Variants in RAF1 observed in about 807,000 individuals in gnomAD.
The protein encoded by RAF1 is RAF proto-oncogene serine/threonine-protein kinase.
RAF1 carries 27 observed loss-of-function variants against 81.1 expected under a neutral mutation model. The ratio of observed to expected loss-of-function variants is 0.33; its 90% confidence interval spans 0.25 to 0.46. The LOEUF (loss-of-function observed/expected upper bound fraction) is 0.46, where lower values mean the gene tolerates loss of function less well. Ranked by LOEUF, RAF1 falls within the 20% of genes least tolerant of loss-of-function variation. The pLI is 1.00. For synonymous variants in RAF1, 298 were observed against 294.0 expected, an observed-to-expected ratio of 1.01 and a Z score of -0.14; for missense variants, 598 against 826.0, an observed-to-expected ratio of 0.72 and a Z score of 3.38.
chr3:12,604,146 C>T lies in RAF1; in HGVS notation c.824G>A (p.Arg275Lys), dbSNP rs1425009528. 1.2e-6 allele frequency: 2 copies of T among 1,614,156 alleles called. No homozygotes were observed. Among genetic ancestry groups the T allele is most frequent in the Non-Finnish European group, 1.7e-6 (2 of 1,180,028 alleles). ...AAGGTGCCCTATTACCTCAATCATC[C>T]TGCTGTCCACAGGCAGGGTGGTGCT... The change falls in exon 7 of 18, where the codon AGG becomes AAG. Residue 275 changes from arginine to lysine, a missense_variant. By Grantham distance (26) the Arg-to-Lys change is conservative (BLOSUM62 2). Transcript: ENST00000442415.
chr3:12,608,625 G>A, intron 5 of RAF1, 141 bp downstream of exon 5: 1 of 983,774 alleles, frequency 1.0e-6, no homozygotes, highest in Middle Eastern at 3.0e-4. Context: ...AATTATCACT[G>A]TTTCTAAAGT....
chr3:12,606,756 C>A (rs5746206), intron 5 of RAF1, among the ~76,000 whole-genome samples: 32,063 of 152,008 alleles, frequency 0.21, 3,636 homozygotes, highest in African/African-American at 0.29. Context: ...GCACAACATG[C>A]AGGTTTGTTA....
chr3:12,609,357 C>A (rs760390061), intron 3 of RAF1, 22 bp from the exon 4 acceptor site: 9 of 1,510,934 alleles, frequency 6.0e-6, no homozygotes, highest in Non-Finnish European at 6.4e-6. Flanking sequence ...TTAAAAAAAA[C>A]ATGAAATGTT....
intron 11 of RAF1, among the ~76,000 whole-genome samples, chr3:12,596,173 CTA>C: frequency 6.9e-6 from 1 of 145,650 alleles, no homozygotes; most frequent in Non-Finnish European, 1.5e-5. Flanking sequence ...CACACCTGGC[CTA>C]TAGAAAGAAT....
chr3:12,649,136 AG>A (rs1394119371), intron 1 of RAF1, among the ~76,000 whole-genome samples: 1 of 152,156 alleles, frequency 6.6e-6, no homozygotes, highest in Non-Finnish European at 1.5e-5. Flanking sequence ...AAGAAAGAAA[AG>A]AAAAAGAAAA....
intron 13 of RAF1, chr3:12,590,465 T>C (rs372265943): frequency 3.7e-5 from 11 of 300,886 alleles, no homozygotes; most frequent in African/African-American, 2.4e-4. Context: ...GCTGGGATTA[T>C]AGGCATGTGC....
In RAF1 at chr3:12,587,837, C is replaced by CTTTTTTTTTTTTTTTTTTTTTTT. The variant is rs374515740; in HGVS notation, c.1431-201_1431-200insAAAAAAAAAAAAAAAAAAAAAAA. On this transcript the variant is annotated intron_variant, in intron 13 of 17. Coordinates refer to ENST00000442415, the MANE Select transcript of RAF1 (RefSeq NM_001354689.3). ...GGCCACAGCACAAACATGCTTACAC[C>CTTTTTTTTTTTTTTTTTTTTTTT]TTTTTTTTTTTTTTTTTGGAGACTG... The CTTTTTTTTTTTTTTTTTTTTTTT allele has an allele frequency of 5.3e-5, 10 of 188,432 alleles. 3 individuals carry two copies. The highest frequency in any genetic ancestry group is 3.2e-4 in the African/African-American group (10 of 31,118). The allele number at this position is 188,432 out of a possible 1,614,324, so 11.7% of individuals were successfully genotyped here.
intron 1 of RAF1, among the ~76,000 whole-genome samples, chr3:12,635,743 G>A (rs924089958): frequency 3.3e-5 from 5 of 151,926 alleles, no homozygotes; most frequent in Non-Finnish European, 5.9e-5. Context: ...GGAGGCCAAG[G>A]TGGGCGGATC....
intron 11 of RAF1, among the ~76,000 whole-genome samples, chr3:12,598,792 A>C (rs1040882806): frequency 1.3e-5 from 2 of 149,288 alleles, no homozygotes; most frequent in Non-Finnish European, 3.0e-5. Flanking sequence ...TGATATTTTC[A>C]GTACCTTGAA....
chr3:12,647,050 A>G (rs1044612942), intron 1 of RAF1, among the ~76,000 whole-genome samples: 1 of 151,348 alleles, frequency 6.6e-6, no homozygotes, highest in African/African-American at 2.4e-5. Context: ...TAATCCCAGC[A>G]CTTTGGGAGG....
chr3:12,652,861 G>A (rs1330789256), intron 1 of RAF1, among the ~76,000 whole-genome samples: 2 of 151,390 alleles, frequency 1.3e-5, no homozygotes, highest in African/African-American at 4.9e-5. Flanking sequence ...GAACCTGGGA[G>A]ACAGAGGTTG....
chr3:12,634,878 T>C (rs1428968368), intron 1 of RAF1, among the ~76,000 whole-genome samples: 2 of 152,140 alleles, frequency 1.3e-5, no homozygotes, highest in East Asian at 1.9e-4. Context: ...ATTAATAAAA[T>C]AGTATAGCAC....
intron 1 of RAF1, among the ~76,000 whole-genome samples, chr3:12,639,814 G>A (rs1334156546): frequency 1.6e-3 from 243 of 147,660 alleles, no homozygotes; most frequent in South Asian, 3.0e-3. Flanking sequence ...TATAGATTCA[G>A]TGCCATCCCC....
chr3:12,584,267 C>A lies in RAF1; in HGVS notation c.*247G>T. On this transcript the variant is annotated 3_prime_UTR_variant, in exon 18 of 18. Transcript: ENST00000442415. ...ACTTGCGCATCTACAGAAGGCTGGG[C>A]CTTGAGCATGGGGAATGTGGGGAGG... 3.6e-6 allele frequency: 2 copies of A among 548,092 alleles called. No homozygotes were observed. The highest frequency in any genetic ancestry group is 4.1e-5 in the South Asian group (2 of 48,468). 34.0% of individuals were successfully genotyped at this position (548,092 alleles called of 1,614,324 possible).
intron 11 of RAF1, chr3:12,592,088 A>G: frequency 2.3e-6 from 1 of 434,390 alleles, no homozygotes; most frequent in Non-Finnish European, 4.3e-6. Context: ...ATGACTCAAA[A>G]AAGTTACATA....
chr3:12,620,427 G>A (rs2059521876), intron 1 of RAF1, among the ~76,000 whole-genome samples: 1 of 152,060 alleles, frequency 6.6e-6, no homozygotes, highest in Non-Finnish European at 1.5e-5. Context: ...GAGCCACCGT[G>A]CCCAGCCAGA....
chr3:12,660,560 A>C (rs1210393149), intron 1 of RAF1, among the ~76,000 whole-genome samples: 1 of 152,090 alleles, frequency 6.6e-6, no homozygotes, highest in Non-Finnish European at 1.5e-5. Context: ...GCAATTCACC[A>C]GCCTCGGCCT....
At chr3:12,643,309 C>A (rs1399670965) in intron 1 of RAF1, among the ~76,000 whole-genome samples, 1 of 152,178 alleles carries the variant, frequency 6.6e-6, no homozygotes, top group African/African-American at 2.4e-5. Flanking sequence ...TCTCAATCTA[C>A]ACAAAGCACC....
At chr3:12,643,774 C>A (rs1397257403) in intron 1 of RAF1, among the ~76,000 whole-genome samples, 2 of 151,924 alleles carry the variant, frequency 1.3e-5, no homozygotes, top group Non-Finnish European at 2.9e-5. Flanking sequence ...AAAAAGAAAT[C>A]CAGTTTACCT....
Sources: gnomAD v4.1 joint callset for allele counts (sites outside exome capture counted in the v4.1 genomes callset) on GRCh38, gnomAD v4.1.1 for gene constraint, MANE v1.5 for transcripts, NCBI Gene and HGNC (gene_info 2026-07-23, HGNC 2026-07-21) for gene names.